The following TSPAN9 variants were observed in gnomAD, a reference collection of about 807,000 sequenced individuals.
TSPAN9 encodes the protein tetraspanin-9.
In TSPAN9, 16 loss-of-function variants were observed where a neutral mutation model predicts 31.0. That is an observed-to-expected ratio of 0.52 (90% CI 0.35 to 0.78). TSPAN9 has a LOEUF of 0.78. TSPAN9 is among the 30% of genes least tolerant of loss of function. The probability of loss-of-function intolerance (pLI) is 0.01; values close to 1 mark genes in which losing one functional copy is unlikely to be tolerated. For missense variants in TSPAN9, 272 were observed against 312.5 expected (o/e 0.87, Z 0.98); for synonymous variants, 145 against 121.6 (o/e 1.19, Z -1.27).
chr12:3,162,261 G>A (rs2153969532), intron 2 of TSPAN9, among the ~76,000 whole-genome samples: 1 of 152,316 alleles, frequency 6.6e-6, no homozygotes, highest in South Asian at 2.1e-4. Context: ...CTCAGCAGAT[G>A]CTCAGACATC....
chr12:3,228,016 C>T (rs2098388783), intron 3 of TSPAN9, among the ~76,000 whole-genome samples: 1 of 152,148 alleles, frequency 6.6e-6, no homozygotes, highest in African/African-American at 2.4e-5. Context: ...TGAGCAATTA[C>T]TATGTACCAG....
At chr12:3,243,400 G>A (rs932831764) in intron 3 of TSPAN9, among the ~76,000 whole-genome samples, 1 of 152,146 alleles carries the variant, frequency 6.6e-6, no homozygotes, top group Non-Finnish European at 1.5e-5. Flanking sequence ...TGCACATAGG[G>A]CGGCTCAGAG....
intron 2 of TSPAN9, among the ~76,000 whole-genome samples, chr12:3,119,366 A>T (rs2098324041): frequency 6.6e-6 from 1 of 152,140 alleles, no homozygotes; most frequent in Non-Finnish European, 1.5e-5. Flanking sequence ...ATGCCAGAAA[A>T]GGGATGTAAA....
At chr12:3,146,280 A>AG (rs1266322884) in intron 2 of TSPAN9, among the ~76,000 whole-genome samples, 2 of 152,130 alleles carry the variant, frequency 1.3e-5, no homozygotes, top group East Asian at 3.9e-4. Context: ...AGCCCGTTGG[A>AG]GGAGGACAGC....
At chr12:3,206,316 G>A (rs146671673) in intron 3 of TSPAN9, 3 of 456,080 alleles carry the variant, frequency 6.6e-6, no homozygotes, top group East Asian at 1.4e-4. Flanking sequence ...GACTGGGCTC[G>A]CAGAGGGCGG....
At chr12:3,265,187 G>A (rs1312419488) in intron 3 of TSPAN9, among the ~76,000 whole-genome samples, 3 of 152,216 alleles carry the variant, frequency 2.0e-5, no homozygotes, top group East Asian at 3.8e-4. Context: ...TTTCCAAAAA[G>A]CAGAAATCCT....
chr12:3,133,723 A>G (rs1366965605), intron 2 of TSPAN9, among the ~76,000 whole-genome samples: 1 of 152,210 alleles, frequency 6.6e-6, no homozygotes, highest in Non-Finnish European at 1.5e-5. Flanking sequence ...GCAAACTTGA[A>G]TAAGGGGTGA....
At chr12:3,177,787 A>G (rs1208616674) in intron 2 of TSPAN9, among the ~76,000 whole-genome samples, 1 of 152,222 alleles carries the variant, frequency 6.6e-6, no homozygotes, top group African/African-American at 2.4e-5. Flanking sequence ...GATTTCCATG[A>G]TTTGTAATAT....
chr12:3,163,092 C>T (rs1223186790), intron 2 of TSPAN9, among the ~76,000 whole-genome samples: 1 of 152,226 alleles, frequency 6.6e-6, no homozygotes, highest in African/African-American at 2.4e-5. Flanking sequence ...AGAGCACTCC[C>T]ATGCTTGTTC....
rs1289696663 is a variant in TSPAN9 at position 3,278,915 on chromosome 12, G to A, written c.256-77G>A. 5 of 1,501,540 alleles carry A rather than the reference G, an allele frequency of 3.3e-6. No homozygotes were observed. In the African/African-American group the frequency reaches 4.1e-5, roughly 12 times the overall value. 93.0% of individuals were successfully genotyped at this position (1,501,540 alleles called of 1,614,324 possible). A position where few individuals can be genotyped will look rare whatever the true frequency, so the allele number is the denominator to read the frequency against. On this transcript the variant is annotated intron_variant, in intron 4 of 8. Coordinates refer to ENST00000011898, the MANE Select transcript of TSPAN9 (RefSeq NM_006675.5). ...GGGAAGCCCCACCTAGGCGCCGCCT[G>A]TCCCTGCCTTCCACACCCTCCTTGT... is the stretch of plus-strand genomic sequence containing the variant.
intron 2 of TSPAN9, among the ~76,000 whole-genome samples, chr12:3,152,879 C>T (rs527800218): frequency 1.3e-5 from 2 of 152,374 alleles, no homozygotes; most frequent in Admixed American, 6.5e-5. Flanking sequence ...TGAGCCACCA[C>T]GCCCAGCTGA....
chr12:3,254,975 G>A (rs1188919229), intron 3 of TSPAN9, among the ~76,000 whole-genome samples: 1 of 152,214 alleles, frequency 6.6e-6, no homozygotes, highest in Non-Finnish European at 1.5e-5. Flanking sequence ...GGACAGGGGA[G>A]AGGCTGGAAG....
chr12:3,252,435 C>G (rs1350764214), intron 3 of TSPAN9, among the ~76,000 whole-genome samples: 2 of 152,152 alleles, frequency 1.3e-5, no homozygotes, highest in Non-Finnish European at 2.9e-5. Flanking sequence ...AGCGGGTGCT[C>G]TCTCCGGGGC....
At chr12:3,153,848 G>A (rs369173841) in intron 2 of TSPAN9, among the ~76,000 whole-genome samples, 44 of 135,558 alleles carry the variant, frequency 3.2e-4, no homozygotes, top group African/African-American at 1.1e-3. Context: ...ATATATATAT[G>A]TGTGTGTGTG....
chr12:3,152,486 G>A (rs917113771), intron 2 of TSPAN9, among the ~76,000 whole-genome samples: 1 of 152,260 alleles, frequency 6.6e-6, no homozygotes, highest in African/African-American at 2.4e-5. Flanking sequence ...GATGGACACA[G>A]TGAAACATGT....
chr12:3,269,000 G>C (rs1388921547), intron 3 of TSPAN9, among the ~76,000 whole-genome samples: 2 of 94,786 alleles, frequency 2.1e-5, no homozygotes, highest in Admixed American at 1.1e-4. Context: ...GTGCGTTCCT[G>C]CAGCCTGCCC....
chr12:3,233,220 G>C (rs1163376471), intron 3 of TSPAN9, among the ~76,000 whole-genome samples: 13 of 152,258 alleles, frequency 8.5e-5, no homozygotes, highest in African/African-American at 2.2e-4. Context: ...CAAGCTTCCA[G>C]GATTATGTAA....
At chr12:3,263,540 G>T (rs186863856) in intron 3 of TSPAN9, among the ~76,000 whole-genome samples, 2 of 152,178 alleles carry the variant, frequency 1.3e-5, no homozygotes, top group Admixed American at 1.3e-4. Context: ...CTGGGGAGGC[G>T]CTCCTGTTGC....
intron 2 of TSPAN9, among the ~76,000 whole-genome samples, chr12:3,140,448 G>A (rs1190563277): frequency 4.6e-5 from 7 of 151,816 alleles, no homozygotes; most frequent in Non-Finnish European, 7.4e-5. Context: ...CGGGATGGAC[G>A]GGAAATAGAA....
Sources: allele counts gnomAD v4.1 joint callset (sites outside exome capture counted in the v4.1 genomes callset), GRCh38; gene constraint gnomAD v4.1.1; transcripts MANE v1.5; gene names NCBI Gene and HGNC (gene_info 2026-07-23, HGNC 2026-07-21).